CCDC73: variants seen among roughly 807,000 people sequenced by gnomAD.
The protein encoded by CCDC73 is coiled-coil domain-containing protein 73.
CCDC73 carries 95 observed loss-of-function variants against 116.5 expected under a neutral mutation model. The ratio of observed to expected loss-of-function variants is 0.82; its 90% CI spans 0.69 to 0.97. The LOEUF (loss-of-function observed/expected upper bound fraction) is 0.97, where lower values mean the gene tolerates loss of function less well. CCDC73 is among the 50% of genes least tolerant of loss of function. The pLI, the probability that CCDC73 is intolerant of heterozygous loss-of-function variation, is 0.00. For missense variants in CCDC73, 1,066 were observed against 1,206.8 expected (o/e 0.88, Z 1.73); for synonymous variants, 398 against 401.3 (o/e 0.99, Z 0.10).
chr11:32,790,806 T>C (rs1850668430), intron 1 of CCDC73, among the ~76,000 whole-genome samples: 1 of 152,090 alleles, frequency 6.6e-6, no homozygotes. Context: ...TAACATAAAA[T>C]AAGCTACTAA....
chr11:32,625,056 T>G (rs1035656500), intron 14 of CCDC73, among the ~76,000 whole-genome samples: 12 of 152,322 alleles, frequency 7.9e-5, no homozygotes, highest in African/African-American at 2.6e-4. Context: ...TCTGTTTTGA[T>G]CTTTGTTGGT....
intron 3 of CCDC73, among the ~76,000 whole-genome samples, chr11:32,717,859 T>C (rs757881034): frequency 5.3e-5 from 8 of 152,114 alleles, no homozygotes; most frequent in Non-Finnish European, 1.0e-4. Context: ...GCACCTTCTT[T>C]ACAAGGTGAC....
intron 2 of CCDC73, among the ~76,000 whole-genome samples, chr11:32,752,222 G>A (rs951625560): frequency 6.6e-6 from 1 of 152,200 alleles, no homozygotes; most frequent in African/African-American, 2.4e-5. Context: ...CCTGGGCTAA[G>A]TTAATGTGGG....
At chr11:32,664,816 C>G (rs933194041) in intron 9 of CCDC73, among the ~76,000 whole-genome samples, 2 of 152,172 alleles carry the variant, frequency 1.3e-5, no homozygotes, top group African/African-American at 4.8e-5. Context: ...TTTCCCTCTA[C>G]ACACTGCTTT....
At chr11:32,606,412 G>T (rs1679088707) in intron 17 of CCDC73, 1 of 152,152 alleles carries the variant, frequency 6.6e-6, no homozygotes, top group African/African-American at 2.4e-5. Context: ...AATATGCAAA[G>T]GAATGGGTGT....
chr11:32,641,864 G>T, intron 13 of CCDC73, 108 bp downstream of exon 13: 1 of 880,688 alleles, frequency 1.1e-6, no homozygotes, highest in Non-Finnish European at 1.5e-6. Flanking sequence ...AAATGTGTCT[G>T]ATTTTAGTCC....
chr11:32,621,525 A>G (rs185219338), intron 14 of CCDC73, among the ~76,000 whole-genome samples: 2 of 152,346 alleles, frequency 1.3e-5, no homozygotes, highest in African/African-American at 4.8e-5. Flanking sequence ...AATTAATTCA[A>G]GATAGATTAA....
chr11:32,764,477 G>T (rs1047743535), intron 1 of CCDC73, among the ~76,000 whole-genome samples: 6 of 152,144 alleles, frequency 3.9e-5, no homozygotes, highest in African/African-American at 7.2e-5. Flanking sequence ...TTAAAGAAAA[G>T]AATTTTCAAC....
intron 3 of CCDC73, among the ~76,000 whole-genome samples, chr11:32,705,192 T>C (rs930309877): frequency 6.6e-6 from 1 of 152,158 alleles, no homozygotes; most frequent in African/African-American, 2.4e-5. Context: ...AGGACTGAAA[T>C]AGCTGTAACA....
intron 13 of CCDC73, among the ~76,000 whole-genome samples, chr11:32,637,020 T>TC (rs1554962244): frequency 3.2e-4 from 43 of 136,076 alleles, no homozygotes; most frequent in African/African-American, 7.1e-4. Context: ...TCTTTTTCTT[T>TC]TTTTTTTTTT....
At chr11:32,628,960 T>G (rs1427175840) in intron 14 of CCDC73, among the ~76,000 whole-genome samples, 2 of 151,592 alleles carry the variant, frequency 1.3e-5, no homozygotes, top group African/African-American at 4.8e-5. Flanking sequence ...AAATTTTAAA[T>G]CCCAAAAGAA....
chr11:32,829,818 G>C, the CCDC73 span: 4 of 985,274 alleles, frequency 4.1e-6, no homozygotes, highest in Middle Eastern at 5.2e-4. Context: ...AGCGCAGCGC[G>C]GGCTCCCGGG....
At chr11:32,620,610 CAAAAAAAAA>C (rs57643752) in intron 14 of CCDC73, among the ~76,000 whole-genome samples, 1 of 61,340 alleles carries the variant, frequency 1.6e-5, no homozygotes, top group Non-Finnish European at 2.8e-5. Flanking sequence ...GACTCAGTCT[CAAAAAAAAA>C]AAAAAAAAAA....
the CCDC73 span, among the ~76,000 whole-genome samples, chr11:32,826,305 G>A: frequency 6.6e-6 from 1 of 152,230 alleles, no homozygotes; most frequent in Non-Finnish European, 1.5e-5. Flanking sequence ...AAATGTCACG[G>A]CAACAGCAAG....
At chr11:32,675,824 G>A (rs1856082255) in intron 8 of CCDC73, 62 bp downstream of exon 8, 1 of 1,382,464 alleles carries the variant, frequency 7.2e-7, no homozygotes, top group African/African-American at 1.5e-5. Context: ...TGTATTCATA[G>A]TAAATAAGTC....
chr11:32,798,866 G>A (rs1326543544), upstream of CCDC73, among the ~76,000 whole-genome samples: 5 of 149,790 alleles, frequency 3.3e-5, no homozygotes, highest in African/African-American at 9.8e-5. Flanking sequence ...TCACTACAAA[G>A]TCTGTGGGTT....
chr11:32,770,293 T>C (rs1270410421), intron 1 of CCDC73, among the ~76,000 whole-genome samples: 1 of 152,136 alleles, frequency 6.6e-6, no homozygotes, highest in Non-Finnish European at 1.5e-5. Context: ...AAGCCTACAC[T>C]GTAGAGCTCA....
chr11:32,641,997 T>A lies in CCDC73; in HGVS notation c.1025A>T (p.Lys342Ile). ...ATGTCTTTTCCAAGTTCCTAGTGCT[T>A]TTTCATGCTCATTTTGAAGATTAAG... ...KFLNLQNEHEKALGTWKRHAE... is the reference protein window; with the variant it reads ...KFLNLQNEHEIALGTWKRHAE... The change falls in exon 13 of 18, where the codon AAA becomes ATA. Residue 342 changes from lysine to isoleucine, a missense_variant. Physicochemically the swap from Lys to Ile is moderately radical, Grantham distance 102. Coordinates refer to ENST00000335185, the MANE Select transcript of CCDC73 (RefSeq NM_001008391.4). The A allele has an allele frequency of 6.5e-7, 1 of 1,545,242 alleles. No homozygotes were observed. Among genetic ancestry groups the A allele is most frequent in the Non-Finnish European group, 8.7e-7 (1 of 1,144,464 alleles).
In CCDC73 at chr11:32,622,981, C is replaced by CATTTT. The variant is rs202129403; in HGVS notation, c.1186-6857_1186-6853dup. Among the ~76,000 whole-genome samples the CATTTT allele has an allele frequency of 8.0e-3, 1,217 of 151,848 alleles. 8 individuals are homozygous for CATTTT. The highest frequency in any genetic ancestry group is 0.024 in the Middle Eastern group (7 of 294). On this transcript the variant is annotated intron_variant, in intron 14 of 17. Coordinates refer to ENST00000335185, the MANE Select transcript of CCDC73 (RefSeq NM_001008391.4). ...ATCCAAAGGGAATGGATGTAATGTCCATTTTATTTTATTTTATTTTATTTT... is the reference window on the plus strand; with the variant it reads ...ATCCAAAGGGAATGGATGTAATGTCCATTTTATTTTATTTTATTTTATTTTATTTT...
Sources: gnomAD v4.1 joint callset for allele counts (sites outside exome capture counted in the v4.1 genomes callset) on GRCh38, gnomAD v4.1.1 for gene constraint, MANE v1.5 for transcripts, NCBI Gene and HGNC (gene_info 2026-07-23, HGNC 2026-07-21) for gene names.